Variants in RELN observed in about 807,000 individuals in gnomAD.
RELN encodes the protein reelin.
RELN carries 108 observed loss-of-function variants against 427.6 expected under a neutral mutation model. The ratio of observed to expected loss-of-function variants is 0.25; its 90% CI spans 0.22 to 0.30. The LOEUF (loss-of-function observed/expected upper bound fraction) is 0.30, where lower values mean the gene tolerates loss of function less well. RELN is among the 10% of genes least tolerant of loss of function. The probability of loss-of-function intolerance (pLI) is 1.00; values close to 1 mark genes in which losing one functional copy is unlikely to be tolerated. For missense variants in RELN, 3,715 were observed against 4,302.8 expected (o/e 0.86, Z 3.82); for synonymous variants, 1,524 against 1,513.4 (o/e 1.01, Z -0.16).
Position 103,589,646 on chromosome 7 carries a change from A to T in RELN, c.4095T>A (p.Phe1365Leu). 6.2e-7 allele frequency: 1 copy of T among 1,614,084 alleles called. No individual in the cohort carries two copies. The highest frequency in any genetic ancestry group is 8.5e-7 in the Non-Finnish European group (1 of 1,179,964). Residue 1365 changes from phenylalanine (F) to leucine (L), a missense_variant, in exon 28 of 65, where the codon TTT becomes TTA. By Grantham distance (22) the Phe-to-Leu change is conservative. This residue lies in a region of RELN where 2,208 missense variants were observed against 2,361.7 expected (regional missense o/e 0.93). Transcript: ENST00000428762. ...CAATGGTGATTCTTGTCCATTCTTCAAAGTCCCCTGTGTGATACATGGTGG... is the reference window on the plus strand; with the variant it reads ...CAATGGTGATTCTTGTCCATTCTTCTAAGTCCCCTGTGTGATACATGGTGG... ...SEPTMYHTGD[F>L]EEWTRITIVI...
At chr7:103,965,739 C>A (rs998830215) in intron 1 of RELN, among the ~76,000 whole-genome samples, 3 of 152,264 alleles carry the variant, frequency 2.0e-5, no homozygotes, top group African/African-American at 7.2e-5. Flanking sequence ...GCCAGCCCTG[C>A]AAAGTCCTTT....
intron 2 of RELN, among the ~76,000 whole-genome samples, chr7:103,875,673 A>G (rs1314627823): frequency 1.3e-5 from 2 of 152,148 alleles, no homozygotes; most frequent in African/African-American, 4.8e-5. Flanking sequence ...ACCACGGCAA[A>G]AGAAAATATA....
chr7:103,955,698 T>C (rs978228097), intron 1 of RELN, among the ~76,000 whole-genome samples: 1 of 152,158 alleles, frequency 6.6e-6, no homozygotes, highest in Non-Finnish European at 1.5e-5. Context: ...CCGATCTACA[T>C]GTAAAACACT....
chr7:103,518,485 AC>A (rs1489230721), intron 49 of RELN, among the ~76,000 whole-genome samples: 2 of 136,208 alleles, frequency 1.5e-5, no homozygotes, highest in African/African-American at 6.6e-5. Flanking sequence ...GGCACATGCC[AC>A]CACACCCAGG....
At chr7:103,930,071 A>G (rs1025594711) in intron 1 of RELN, among the ~76,000 whole-genome samples, 2 of 152,230 alleles carry the variant, frequency 1.3e-5, no homozygotes, top group Admixed American at 6.5e-5. Flanking sequence ...TAGGGTTGCC[A>G]TAACAAAGTA....
rs1832887178 is a variant in RELN at position 103,650,313 on chromosome 7, T to A, written c.1963A>T (p.Thr655Ser). ...TRNTRIRWRQ[T>S]GPILGNMWAI... The stretch of plus-strand genomic sequence containing the variant: ...CACATGTTTCCAAGGATTGGTCCTG[T>A]TTGTCTCCAGCGAATCCTGGTGTTC... The change falls in exon 16 of 65, where the codon ACA becomes TCA. Residue 655 changes from threonine to serine, a missense_variant. Physicochemically the swap from Thr to Ser is moderately conservative, Grantham distance 58 (BLOSUM62 1). Transcript: ENST00000428762. 6.2e-7 allele frequency: 1 copy of A among 1,612,618 alleles called. No individual in the cohort carries two copies. Among genetic ancestry groups the A allele is most frequent in the South Asian group, 1.1e-5 (1 of 91,068 alleles).
At chr7:103,720,548 T>C (rs1043716554) in intron 8 of RELN, among the ~76,000 whole-genome samples, 13 of 152,140 alleles carry the variant, frequency 8.5e-5, no homozygotes, top group Non-Finnish European at 1.8e-4. Context: ...ACTGGACATA[T>C]TATTATTAGT....
Position 103,593,896 on chromosome 7 carries a change from T to C in RELN, c.3712-14A>G, listed in dbSNP as rs761395093. On this transcript the variant is annotated splice_polypyrimidine_tract_variant and intron_variant, in intron 26 of 64. Transcript: ENST00000428762. The stretch of plus-strand genomic sequence containing the variant: ...CTCATAAAAGTTCTAATAGAAACAA[T>C]ACAAATAAAACAAAAGGCAATTTGA... The C allele has an allele frequency of 6.3e-7, 1 of 1,598,080 alleles. No individual in the cohort carries two copies. Among genetic ancestry groups the C allele is most frequent in the South Asian group, 1.1e-5 (1 of 90,730 alleles).
rs1320482886 is a variant in RELN at position 103,650,338 on chromosome 7, C to G, written c.1938G>C (p.Arg646=). 2.5e-6 allele frequency: 4 copies of G among 1,612,998 alleles called. No homozygotes were observed. The African/African-American group carries it at 4.0e-5, about 16-fold the overall frequency. ...TTTGTCTCCAGCGAATCCTGGTGTTCCGGGTTAGTGCTGCGTTAGGAAGGG... is the reference window on the plus strand; with the variant it reads ...TTTGTCTCCAGCGAATCCTGGTGTTGCGGGTTAGTGCTGCGTTAGGAAGGG... The part of the protein sequence containing the change: ...TIPLPNAALT[R]NTRIRWRQTG... Residue 646 remains arginine, a synonymous_variant, in exon 16 of 65, where the codon CGG becomes CGC. Coordinates refer to ENST00000428762, the MANE Select transcript of RELN (RefSeq NM_005045.4).
At chr7:103,959,321 G>A (rs139207782) in intron 1 of RELN, among the ~76,000 whole-genome samples, 2 of 152,192 alleles carry the variant, frequency 1.3e-5, no homozygotes, top group East Asian at 3.9e-4. Context: ...CTTTCTTCTA[G>A]CAGCATTCAT....
At chr7:103,611,969 C>G (rs1831970127) in intron 20 of RELN, among the ~76,000 whole-genome samples, 166 bp from the exon 21 acceptor site, 1 of 152,188 alleles carries the variant, frequency 6.6e-6, no homozygotes. Context: ...CAATTTGAAA[C>G]AAGCTTTCAA....
chr7:103,591,721 C>A (rs1831420999), intron 27 of RELN, among the ~76,000 whole-genome samples: 1 of 152,138 alleles, frequency 6.6e-6, no homozygotes, highest in Admixed American at 6.6e-5. Flanking sequence ...GCTGTTGTTT[C>A]TAACACAGAC....
intron 64 of RELN, among the ~76,000 whole-genome samples, chr7:103,473,962 CA>C (rs1827943903): frequency 1.3e-5 from 2 of 152,102 alleles, no homozygotes; most frequent in South Asian, 4.2e-4. Context: ...GATGTGATTC[CA>C]ACATAAAGAT....
intron 36 of RELN, among the ~76,000 whole-genome samples, chr7:103,559,499 C>A (rs777564219): frequency 9.2e-5 from 14 of 152,216 alleles, no homozygotes; most frequent in Non-Finnish European, 5.9e-5. Context: ...GATACCTAAC[C>A]CATGCATCTT....
At chr7:103,649,330 T>C (rs1350387309) in intron 16 of RELN, among the ~76,000 whole-genome samples, 3 of 151,962 alleles carry the variant, frequency 2.0e-5, no homozygotes, top group Non-Finnish European at 4.4e-5. Flanking sequence ...TGATATTACT[T>C]AGAAAGTTGT....
chr7:103,700,475 A>C (rs1015093364), intron 9 of RELN, among the ~76,000 whole-genome samples: 2 of 152,292 alleles, frequency 1.3e-5, no homozygotes, highest in African/African-American at 4.8e-5. Flanking sequence ...ATGTGACAGA[A>C]CTGGAGATTA....
At chr7:103,534,416 G>A (rs1462582549) in intron 46 of RELN, among the ~76,000 whole-genome samples, 1 of 152,196 alleles carries the variant, frequency 6.6e-6, no homozygotes, top group Non-Finnish European at 1.5e-5. Context: ...ACTCAAACAG[G>A]AGTGGAAATG....
chr7:103,809,509 G>A (rs1254221108), intron 3 of RELN, among the ~76,000 whole-genome samples: 1 of 152,098 alleles, frequency 6.6e-6, no homozygotes, highest in African/African-American at 2.4e-5. Flanking sequence ...AAACTGTAGT[G>A]GGTTTGAACG....
rs531292470 is a variant in RELN at position 103,756,449 on chromosome 7, C to G, written c.545-3235G>C. Among the ~76,000 whole-genome samples, 5 of 152,270 alleles carry G rather than the reference C, an allele frequency of 3.3e-5. No homozygotes were observed. In the South Asian group the frequency reaches 1.0e-3, roughly 32 times the overall value. On this transcript the variant is annotated intron_variant, in intron 4 of 64. Coordinates refer to ENST00000428762, the MANE Select transcript of RELN (RefSeq NM_005045.4). ...TCTGTGTTAAGTACTCATCTTTGCTCTGAAGAAGAAATAGGCTCCTCAAAA... is the reference window on the plus strand; with the variant it reads ...TCTGTGTTAAGTACTCATCTTTGCTGTGAAGAAGAAATAGGCTCCTCAAAA...
Sources: gnomAD v4.1 joint callset for allele counts (sites outside exome capture counted in the v4.1 genomes callset) on GRCh38, gnomAD v4.1.1 for gene constraint, gnomAD v4.1.1 regional missense constraint, MANE v1.5 for transcripts, NCBI Gene and HGNC (gene_info 2026-07-23, HGNC 2026-07-21) for gene names.